Variants in TAOK1 observed in about 807,000 individuals in gnomAD.
The protein encoded by TAOK1 is TAO kinase 1.
A neutral mutation model predicts 138.3 loss-of-function variants in TAOK1; 21 were observed. That is an observed-to-expected ratio of 0.15 (90% CI 0.11 to 0.22). The LOEUF is 0.22. Ranked by LOEUF, TAOK1 falls within the 10% of genes least tolerant of loss-of-function variation. The pLI is 1.00. For missense variants in TAOK1, 651 were observed against 1,227.7 expected, an observed-to-expected ratio of 0.53 and a Z score of 7.02; for synonymous variants, 361 against 398.4, an observed-to-expected ratio of 0.91 and a Z score of 1.12.
chr17:29,413,336 C>T (rs951478962), intron 1 of TAOK1, among the ~76,000 whole-genome samples: 3 of 152,130 alleles, frequency 2.0e-5, no homozygotes, highest in Non-Finnish European at 4.4e-5. Flanking sequence ...GTGGCTCATG[C>T]CTGTAAGCCC....
chr17:29,540,254 A>C (rs573074732), intron 19 of TAOK1, among the ~76,000 whole-genome samples: 1 of 152,374 alleles, frequency 6.6e-6, no homozygotes. Context: ...TCAGGGAAAG[A>C]TACCAAATGT....
intron 3 of TAOK1, among the ~76,000 whole-genome samples, chr17:29,470,201 T>C (rs180864872): frequency 6.6e-6 from 1 of 152,264 alleles, no homozygotes; most frequent in Admixed American, 6.5e-5. Context: ...TTCTTAAGAG[T>C]AACTATGTTT....
intron 1 of TAOK1, among the ~76,000 whole-genome samples, chr17:29,413,999 CAGCCTCCCT>C (rs1905208954): frequency 6.7e-6 from 1 of 149,892 alleles, no homozygotes; most frequent in South Asian, 2.1e-4. Flanking sequence ...TCTCCTGCCT[CAGCCTCCCT>C]AGTAGCTGGG....
At chr17:29,500,248 A>G (rs2031499598) in intron 12 of TAOK1, among the ~76,000 whole-genome samples, 1 of 152,208 alleles carries the variant, frequency 6.6e-6, no homozygotes, top group Middle Eastern at 3.4e-3. Context: ...CAGGAGGTAG[A>G]GGTTTTCAGT....
intron 18 of TAOK1, among the ~76,000 whole-genome samples, chr17:29,533,251 G>T (rs1356399908): frequency 2.0e-5 from 3 of 146,992 alleles, no homozygotes; most frequent in Non-Finnish European, 1.5e-5. Flanking sequence ...TGGGCGGCCG[G>T]GCAGAGACGC....
At chr17:29,462,261 G>A (rs575176708) in intron 2 of TAOK1, among the ~76,000 whole-genome samples, 58 of 152,160 alleles carry the variant, frequency 3.8e-4, no homozygotes, top group Non-Finnish European at 6.9e-4. Flanking sequence ...TCAAGGACTG[G>A]TACCGTAGTG....
intron 3 of TAOK1, among the ~76,000 whole-genome samples, chr17:29,475,069 T>A (rs1245622161): frequency 6.6e-6 from 1 of 151,926 alleles, no homozygotes; most frequent in Non-Finnish European, 1.5e-5. Flanking sequence ...GCCTCCCGAG[T>A]ACCTGGGACT....
At chr17:29,514,641 T>C (rs1170720165) in intron 15 of TAOK1, 1 of 152,114 alleles carries the variant, frequency 6.6e-6, no homozygotes, top group Non-Finnish European at 1.5e-5. Context: ...GGATTACAGA[T>C]GGATGTGAGC....
Position 29,523,673 on chromosome 17 carries a change from A to G in TAOK1, c.2148+1154A>G, listed in dbSNP as rs372750071. 1.0e-3 allele frequency among the ~76,000 whole-genome samples: 157 copies of G among 152,356 alleles called. No homozygotes were observed. In the East Asian group the frequency reaches 0.011, roughly 11 times the overall value. ...AGTGCTGGGATTACAGGCATGAACCACCGCACCTGGCCCACATGAATCTTA... is the reference window on the plus strand; with the variant it reads ...AGTGCTGGGATTACAGGCATGAACCGCCGCACCTGGCCCACATGAATCTTA... On this transcript the variant is annotated intron_variant, in intron 17 of 19. Transcript: ENST00000261716.
intron 1 of TAOK1, among the ~76,000 whole-genome samples, chr17:29,430,592 T>C (rs559235095): frequency 5.9e-5 from 9 of 151,818 alleles, no homozygotes; most frequent in African/African-American, 2.2e-4. Context: ...TCAAAGGGAG[T>C]CGCCTCTGGT....
intron 1 of TAOK1, among the ~76,000 whole-genome samples, chr17:29,422,497 C>T (rs1258936758): frequency 2.6e-5 from 4 of 152,206 alleles, no homozygotes; most frequent in Admixed American, 6.5e-5. Context: ...GCATTACAGG[C>T]GTGAGCCACT....
intron 10 of TAOK1, among the ~76,000 whole-genome samples, chr17:29,492,324 T>G (rs559176842): frequency 9.5e-4 from 145 of 152,342 alleles, no homozygotes; most frequent in Non-Finnish European, 1.8e-3. Flanking sequence ...TGATAACTTT[T>G]CTTAGATACT....
intron 1 of TAOK1, among the ~76,000 whole-genome samples, chr17:29,402,682 T>C (rs1300864645): frequency 1.3e-5 from 2 of 152,102 alleles, no homozygotes; most frequent in African/African-American, 4.8e-5. Flanking sequence ...AGATTTGATT[T>C]AATTGAAATA....
At position 29,530,619 on chromosome 17, in the gene TAOK1, C is replaced by T. The variant is rs147661331; in HGVS notation, c.2361C>T (p.Ala787=). 3.2e-5 allele frequency: 51 copies of T among 1,613,518 alleles called. No homozygotes were observed. The highest frequency in any genetic ancestry group is 1.9e-4 in the African/African-American group (14 of 74,874). The change falls in exon 18 of 20, where the codon GCC becomes GCT. Residue 787 remains alanine, a splice_region_variant and synonymous_variant. Transcript: ENST00000261716. ...TTAATGAAATGCTCTCCACACAAGC[C>T]GTGAGTTTGCTTTTTTTGGGGCAAA... ...HSINEMLSTQ[A]LRLDEAQEAE...
At chr17:29,532,553 G>C (rs913207945) in intron 18 of TAOK1, among the ~76,000 whole-genome samples, 1 of 152,068 alleles carries the variant, frequency 6.6e-6, no homozygotes, top group Non-Finnish European at 1.5e-5. Flanking sequence ...GACTCTTAAC[G>C]AGCATGCTGC....
chr17:29,398,791 C>CA (rs1490486405), intron 1 of TAOK1, among the ~76,000 whole-genome samples: 2 of 152,126 alleles, frequency 1.3e-5, no homozygotes, highest in Non-Finnish European at 2.9e-5. Flanking sequence ...CTTGGCCTCC[C>CA]AAAGTGCTGG....
At chr17:29,453,432 G>C (rs1214613729) in intron 2 of TAOK1, among the ~76,000 whole-genome samples, 1 of 152,122 alleles carries the variant, frequency 6.6e-6, no homozygotes, top group Non-Finnish European at 1.5e-5. Context: ...TGTCTTTTAA[G>C]TAGAGACGGG....
At chr17:29,473,825 C>T (rs1033629427) in intron 3 of TAOK1, among the ~76,000 whole-genome samples, 1 of 151,926 alleles carries the variant, frequency 6.6e-6, no homozygotes, top group African/African-American at 2.4e-5. Context: ...CTCCTGGGTT[C>T]AAACGATTCT....
At chr17:29,472,425 G>T (rs975862279) in intron 3 of TAOK1, among the ~76,000 whole-genome samples, 2 of 151,850 alleles carry the variant, frequency 1.3e-5, no homozygotes, top group Non-Finnish European at 2.9e-5. Flanking sequence ...GCTGATTTTT[G>T]TATTATTAGT....
Sources: allele counts gnomAD v4.1 joint callset (sites outside exome capture counted in the v4.1 genomes callset), GRCh38; gene constraint gnomAD v4.1.1; transcripts MANE v1.5; gene names NCBI Gene and HGNC (gene_info 2026-07-23, HGNC 2026-07-21).